SHANK2: variants seen among roughly 807,000 people sequenced by gnomAD.
The protein encoded by SHANK2 is SH3 and multiple ankyrin repeat domains 2, also known as SH3 and multiple ankyrin repeat domains protein 2.
A neutral mutation model predicts 133.7 loss-of-function variants in SHANK2; 43 were observed. The ratio of observed to expected loss-of-function variants is 0.32; its 90% CI spans 0.25 to 0.41. SHANK2 has a LOEUF of 0.41. Among genes scored for constraint, SHANK2 ranks in the 10% least tolerant of loss-of-function variants. SHANK2 has a pLI of 1.00. For synonymous variants in SHANK2, 1,017 were observed against 952.8 expected (o/e 1.07, Z -1.24); for missense variants, 1,994 against 2,235.8 (o/e 0.89, Z 2.18).
Position 71,075,252 on chromosome 11 carries a change from C to T in SHANK2, c.936G>A (p.Gln312=). Residue 312 remains glutamine, a synonymous_variant, in exon 9 of 26, where the codon CAG becomes CAA. Coordinates refer to ENST00000601538, the MANE Select transcript of SHANK2 (RefSeq NM_012309.5). ...CGTAGAACAGCAGGTGCTCCAGGTG[C>T]TGCACGTGCCCGTACCTGCAGGCCT... The part of the protein sequence containing the change: ...IHQACRYGHV[Q]HLEHLLFYGA... 4.1e-6 allele frequency: 1 copy of T among 245,694 alleles called. No individual in the cohort carries two copies. Among genetic ancestry groups the T allele is most frequent in the Non-Finnish European group, 8.5e-6 (1 of 117,574 alleles). 15.2% of individuals were successfully genotyped at this position (245,694 alleles called of 1,614,324 possible).
chr11:70,903,817 T>G (rs1425145560), intron 10 of SHANK2, among the ~76,000 whole-genome samples: 1 of 152,256 alleles, frequency 6.6e-6, no homozygotes, highest in Admixed American at 6.5e-5. Flanking sequence ...GAGAAGGTGC[T>G]GTGTGCCAGA....
intron 17 of SHANK2, among the ~76,000 whole-genome samples, chr11:70,551,963 C>A (rs1035745532): frequency 1.2e-4 from 18 of 152,202 alleles, no homozygotes; most frequent in African/African-American, 4.1e-4. Context: ...GCCCGAGGCA[C>A]GGGGGAGCCC....
At chr11:70,752,277 C>CAACATAGGGAGGTTAAAACAACAAAACA (rs1357522393) in intron 14 of SHANK2, among the ~76,000 whole-genome samples, 6 of 152,048 alleles carry the variant, frequency 3.9e-5, no homozygotes, top group African/African-American at 1.4e-4. Context: ...TTACATATAA[C>CAACATAGGGAGGTTAAAACAACAAAACA]AACATAGGGA....
At position 70,479,439 on chromosome 11, in the gene SHANK2, G is replaced by A; in HGVS notation, c.4979+5875C>T. On this transcript the variant is annotated intron_variant, in intron 25 of 25. Transcript: ENST00000601538. This position sits in a 1 kb window ranked among gnomAD's most constrained non-coding sequence, Gnocchi z 4.4. ...GTGAGGCAGCAGGCGCAGGGGCCTC[G>A]GGAGGAAAACTCGCCTGAGCTCACA... Among the ~76,000 whole-genome samples, 1 of 152,224 alleles carries A rather than the reference G, an allele frequency of 6.6e-6. No individual in the cohort carries two copies. The highest frequency in any genetic ancestry group is 6.5e-5 in the Admixed American group (1 of 15,282).
chr11:70,638,956 C>T (rs1272311376), intron 17 of SHANK2, among the ~76,000 whole-genome samples: 1 of 151,866 alleles, frequency 6.6e-6, no homozygotes, highest in Non-Finnish European at 1.5e-5. Flanking sequence ...GAGACCATGC[C>T]ACTGCACTCC....
rs1404712785 is a variant in SHANK2, at chr11:70,469,070, G to A, written c.*3799C>T. Reference sequence around the variant, plus strand: ...GGGGTGTGGGGAGACTGGACCCTAAGGGAAGGGTCCGGATCTGGCTGGCCC... The same window carrying A: ...GGGGTGTGGGGAGACTGGACCCTAAAGGAAGGGTCCGGATCTGGCTGGCCC... On this transcript the variant is annotated 3_prime_UTR_variant, in exon 26 of 26. Coordinates refer to ENST00000601538, the MANE Select transcript of SHANK2 (RefSeq NM_012309.5). 6.6e-6 allele frequency: 1 copy of A among 152,238 alleles called. No homozygotes were observed. Among genetic ancestry groups the A allele is most frequent in the African/African-American group, 2.4e-5 (1 of 41,448 alleles). 9.4% of individuals were successfully genotyped at this position (152,238 alleles called of 1,614,324 possible). A position where few individuals can be genotyped will look rare whatever the true frequency, so the allele number is the denominator to read the frequency against.
chr11:70,701,940 C>T (rs1591763721), intron 14 of SHANK2, among the ~76,000 whole-genome samples: 1 of 151,414 alleles, frequency 6.6e-6, no homozygotes, highest in African/African-American at 2.4e-5. Context: ...CCATCACCAC[C>T]ACCATCACCA....
At chr11:71,120,556 C>T (rs777675674) in intron 3 of SHANK2, among the ~76,000 whole-genome samples, 1 of 152,152 alleles carries the variant, frequency 6.6e-6, no homozygotes, top group Non-Finnish European at 1.5e-5. Context: ...GCCAGGAAAC[C>T]TGACCCTGTG....
intron 1 of SHANK2, among the ~76,000 whole-genome samples, chr11:71,228,091 G>A (rs1312807191): frequency 6.6e-6 from 1 of 151,980 alleles, no homozygotes; most frequent in Non-Finnish European, 1.5e-5. Flanking sequence ...AGACCCTGCA[G>A]ACATGAAAAA....
intron 17 of SHANK2, among the ~76,000 whole-genome samples, chr11:70,601,360 C>T (rs529911592): frequency 6.6e-6 from 1 of 152,196 alleles, no homozygotes; most frequent in African/African-American, 2.4e-5. Context: ...GCTGGGACTA[C>T]AGGCGCATGC....
intron 9 of SHANK2, among the ~76,000 whole-genome samples, chr11:71,065,987 GA>G (rs1951051611): frequency 1.6e-4 from 5 of 32,248 alleles, no homozygotes; most frequent in Non-Finnish European, 1.6e-4. Context: ...GGGAAGTTGG[GA>G]GGGGAGTACA....
intron 17 of SHANK2, among the ~76,000 whole-genome samples, chr11:70,598,208 TGAG>T (rs2136303612): frequency 6.6e-6 from 1 of 152,194 alleles, no homozygotes; most frequent in South Asian, 2.1e-4. Flanking sequence ...GACGAATGAC[TGAG>T]GTCATTTGTC....
At chr11:70,683,496 G>T (rs1945074235) in intron 15 of SHANK2, among the ~76,000 whole-genome samples, 1 of 152,252 alleles carries the variant, frequency 6.6e-6, no homozygotes, top group Admixed American at 6.5e-5. Flanking sequence ...TGCTCTCAGA[G>T]TTTCCTGTGG....
In SHANK2 at chr11:70,906,133, C is replaced by A. The variant is rs548030967; in HGVS notation, c.1108-9566G>T. ...TTTATGGTATTTTGTGATGTGACAGCCTGAACAGACAAAGACAGCGCCCAG... is the reference window on the plus strand; with the variant it reads ...TTTATGGTATTTTGTGATGTGACAGACTGAACAGACAAAGACAGCGCCCAG... On this transcript the variant is annotated intron_variant, in intron 10 of 25. Transcript: ENST00000601538. Among the ~76,000 whole-genome samples the A allele has an allele frequency of 2.0e-5, 3 of 152,278 alleles. No homozygotes were observed. The South Asian group carries it at 6.2e-4, about 32-fold the overall frequency.
intron 11 of SHANK2, among the ~76,000 whole-genome samples, chr11:70,859,631 A>C (rs1211193142): frequency 6.6e-6 from 1 of 152,218 alleles, no homozygotes; most frequent in Non-Finnish European, 1.5e-5. Flanking sequence ...CAACTGAGTC[A>C]GAGAAACTTC....
At chr11:70,791,248 C>T (rs1417875679) in intron 14 of SHANK2, among the ~76,000 whole-genome samples, 1 of 152,216 alleles carries the variant, frequency 6.6e-6, no homozygotes, top group African/African-American at 2.4e-5. Context: ...GGCCAACTGA[C>T]ATGCACTCTG....
intron 10 of SHANK2, chr11:70,908,045 G>C (rs1323257362): frequency 2.0e-5 from 8 of 393,058 alleles, no homozygotes; most frequent in African/African-American, 1.4e-4. Context: ...AGGTTGCAGT[G>C]AGCCGGGATC....
intron 11 of SHANK2, among the ~76,000 whole-genome samples, chr11:70,836,983 C>G (rs1590742270): frequency 6.6e-6 from 1 of 152,286 alleles, no homozygotes; most frequent in African/African-American, 2.4e-5. Flanking sequence ...CTGTCTGTCT[C>G]TCTGTCTCTC....
intron 15 of SHANK2, among the ~76,000 whole-genome samples, chr11:70,680,983 C>A (rs536003166): frequency 6.6e-6 from 1 of 152,140 alleles, no homozygotes; most frequent in African/African-American, 2.4e-5. Context: ...GAACCATCCC[C>A]GTCAATGCTC....
Sources: gnomAD v4.1 joint callset for allele counts (sites outside exome capture counted in the v4.1 genomes callset) on GRCh38, gnomAD v4.1.1 for gene constraint, Gnocchi (gnomAD v3.1) non-coding constraint, MANE v1.5 for transcripts, NCBI Gene and HGNC (gene_info 2026-07-23, HGNC 2026-07-21) for gene names.